CCDC88C: variants seen among roughly 807,000 people sequenced by gnomAD.
The protein encoded by CCDC88C is coiled-coil and HOOK domain protein 88C.
CCDC88C carries 131 observed loss-of-function variants against 198.8 expected under a neutral mutation model. The observed-to-expected ratio is 0.66, with a 90% CI of 0.57 to 0.76. CCDC88C has a LOEUF of 0.76. Among genes scored for constraint, CCDC88C ranks in the 30% least tolerant of loss-of-function variants. The pLI, the probability that CCDC88C is intolerant of heterozygous loss-of-function variation, is 0.00. For missense variants in CCDC88C, 2,553 were observed against 2,631.6 expected (o/e 0.97, Z 0.65); for synonymous variants, 1,166 against 1,114.7 (o/e 1.05, Z -0.92).
chr14:91,363,507 C>T (rs146845512), intron 3 of CCDC88C, among the ~76,000 whole-genome samples: 388 of 152,138 alleles, frequency 2.6e-3, no homozygotes, highest in Middle Eastern at 0.01. Context: ...AAATACTTGA[C>T]TGTTTCCAGA....
chr14:91,356,531 T>C (rs1309816883), intron 4 of CCDC88C, among the ~76,000 whole-genome samples: 1 of 152,202 alleles, frequency 6.6e-6, no homozygotes, highest in African/African-American at 2.4e-5. Flanking sequence ...CCCAGGGACA[T>C]TCAATTCACC....
Position 91,272,636 on chromosome 14 carries a change from C to T in CCDC88C, c.6076G>A (p.Gly2026Ser), listed in dbSNP as rs761694304. The change falls in exon 30 of 30, where the codon GGC (glycine) becomes AGC (serine). Residue 2026 changes from glycine to serine, a missense_variant. Coordinates refer to ENST00000389857, the MANE Select transcript of CCDC88C (RefSeq NM_001080414.4). ...CAACCACGAGACAGTCACACACAGC[C>T]GTACTCATACCACACGGTCTGCGGA... ...GDPQTVWYEY[G>S]CV is the part of the protein sequence containing the mutation. 10 of 1,610,356 alleles carry T rather than the reference C, an allele frequency of 6.2e-6. No homozygotes were observed. Among genetic ancestry groups the T allele is most frequent in the East Asian group, 2.2e-5 (1 of 44,862 alleles).
intron 11 of CCDC88C, 52 bp from the exon 12 acceptor site, chr14:91,324,975 C>T (rs2139829661): frequency 6.2e-7 from 1 of 1,607,400 alleles, no homozygotes; most frequent in East Asian, 2.2e-5. Flanking sequence ...TGGAGATCCC[C>T]CTGGACAAGC....
At chr14:91,331,334 C>T (rs917858050) in intron 10 of CCDC88C, among the ~76,000 whole-genome samples, 1 of 152,210 alleles carries the variant, frequency 6.6e-6, no homozygotes, top group East Asian at 1.9e-4. Flanking sequence ...GCACCTTTTC[C>T]TCCTGAAGAT....
chr14:91,295,318 C>G (rs1301808998), intron 22 of CCDC88C, among the ~76,000 whole-genome samples: 1 of 152,214 alleles, frequency 6.6e-6, no homozygotes, highest in Non-Finnish European at 1.5e-5. Context: ...TCTGTGATTG[C>G]CACTGCTATA....
chr14:91,350,609 G>A (rs530532343), intron 4 of CCDC88C, among the ~76,000 whole-genome samples: 1 of 152,242 alleles, frequency 6.6e-6, no homozygotes, highest in South Asian at 2.1e-4. Flanking sequence ...GCCCTTGCTG[G>A]GGTCAAAGGC....
chr14:91,374,270 T>C (rs868472859), intron 3 of CCDC88C, among the ~76,000 whole-genome samples: 12 of 152,344 alleles, frequency 7.9e-5, no homozygotes, highest in African/African-American at 2.9e-4. Flanking sequence ...AGACACACTG[T>C]GTCTATTACC....
chr14:91,331,299 A>C (rs1430469004), intron 10 of CCDC88C, among the ~76,000 whole-genome samples: 2 of 152,166 alleles, frequency 1.3e-5, no homozygotes, highest in African/African-American at 2.4e-5. Flanking sequence ...AAGACACTGG[A>C]CTCAAATCAA....
chr14:91,384,531 A>C (rs984432107), intron 3 of CCDC88C: 3 of 506,472 alleles, frequency 5.9e-6, no homozygotes, highest in African/African-American at 5.9e-5. Context: ...CACCTTCTTC[A>C]TCATAATCAT....
intron 2 of CCDC88C, among the ~76,000 whole-genome samples, chr14:91,415,145 G>A (rs190230002): frequency 8.0e-4 from 121 of 152,146 alleles, no homozygotes; most frequent in African/African-American, 2.7e-3. Context: ...AAGTTTCACC[G>A]GTCATTGCGC....
At position 91,338,150 on chromosome 14, in the gene CCDC88C, G is replaced by T. The variant is rs558656599; in HGVS notation, c.905C>A (p.Ala302Glu). The T allele has an allele frequency of 6.2e-7, 1 of 1,613,564 alleles. No homozygotes were observed. The highest frequency in any genetic ancestry group is 8.5e-7 in the Non-Finnish European group (1 of 1,179,764). Residue 302 changes from alanine (A) to glutamate (E), a missense_variant, in exon 10 of 30, where the codon GCG (alanine) becomes GAG (glutamate). By Grantham distance (107) the Ala-to-Glu change is moderately radical. This residue lies in a region of CCDC88C where 1,260 missense variants were observed against 1,412.0 expected (regional missense o/e 0.89). Transcript: ENST00000389857. This position sits in a 1 kb window ranked among gnomAD's most constrained non-coding sequence, Gnocchi z 4.8. ...GGCACGAGCAGACCGGGCGTCTGCC[G>T]CTAGCTGGATGTTCTGCAAGGTGGA... ...QKVKQENIQL[A>E]ADARSARAYR...
chr14:91,321,657 C>A lies in CCDC88C; in HGVS notation c.1343-353G>T, dbSNP rs558593443. ...TTTAGAGGCTAACAGAGATGACACA[C>A]AGGTGACATTTTCCATACCCCCCAG... On this transcript the variant is annotated intron_variant, in intron 12 of 29. Coordinates refer to ENST00000389857, the MANE Select transcript of CCDC88C (RefSeq NM_001080414.4). 5.9e-5 allele frequency among the ~76,000 whole-genome samples: 9 copies of A among 152,318 alleles called. No individual in the cohort carries two copies. In the South Asian group the frequency reaches 1.2e-3, roughly 21 times the overall value.
At position 91,352,274 on chromosome 14, in the gene CCDC88C, C is replaced by T. The variant is rs143299262; in HGVS notation, c.340+7368G>A. On this transcript the variant is annotated intron_variant, in intron 4 of 29. Coordinates refer to ENST00000389857, the MANE Select transcript of CCDC88C (RefSeq NM_001080414.4). The surrounding 1 kb of genome is among the most constrained non-coding windows in gnomAD (Gnocchi z 4.2). Reference sequence around the variant, plus strand: ...GAAGTTTACTAACAAAGTCTGGTCTCCAGGCAGATCCGCGGGTGCTTGGAG... The same window carrying T: ...GAAGTTTACTAACAAAGTCTGGTCTTCAGGCAGATCCGCGGGTGCTTGGAG... Among the ~76,000 whole-genome samples, 1 of 152,330 alleles carries T rather than the reference C, an allele frequency of 6.6e-6. No homozygotes were observed. Among genetic ancestry groups the T allele is most frequent in the African/African-American group, 2.4e-5 (1 of 41,580 alleles).
intron 16 of CCDC88C, 128 bp from the exon 17 acceptor site, chr14:91,308,620 A>G (rs982480247): frequency 3.6e-5 from 36 of 998,196 alleles, no homozygotes; most frequent in Non-Finnish European, 7.5e-6. Flanking sequence ...CTTTTGGCCC[A>G]GAAGAACTCA....
intron 14 of CCDC88C, among the ~76,000 whole-genome samples, chr14:91,314,559 T>C (rs919785296): frequency 6.6e-6 from 1 of 152,180 alleles, no homozygotes; most frequent in African/African-American, 2.4e-5. Context: ...CTGGAGTACT[T>C]TCCTCTGGCT....
In CCDC88C at chr14:91,338,060, A is replaced by G; in HGVS notation, c.995T>C (p.Leu332Pro). The change falls in exon 10 of 30, where the codon CTG (leucine) becomes CCG (proline). Residue 332 changes from leucine (L) to proline (P), a missense_variant. Coordinates refer to ENST00000389857, the MANE Select transcript of CCDC88C (RefSeq NM_001080414.4). The surrounding 1 kb of genome is among the most constrained non-coding windows in gnomAD (Gnocchi z 4.8). ...ANRVERLELELTRCKEKLHDV... is the reference protein window; with the variant it reads ...ANRVERLELEPTRCKEKLHDV... ...GTGCAGCTTCTCCTTGCAGCGGGTC[A>G]GCTCCAGCTCCAGCCTCTCCACGCG... 6.2e-7 allele frequency: 1 copy of G among 1,613,724 alleles called. No individual in the cohort carries two copies. The highest frequency in any genetic ancestry group is 8.5e-7 in the Non-Finnish European group (1 of 1,179,884).
intron 10 of CCDC88C, among the ~76,000 whole-genome samples, chr14:91,331,418 G>C (rs1240959852): frequency 1.3e-5 from 2 of 152,200 alleles, no homozygotes; most frequent in South Asian, 4.1e-4. Context: ...GAGGAGCTGG[G>C]GCCCTGTCTC....
In CCDC88C at chr14:91,294,253, C is replaced by T. The variant is rs372994123; in HGVS notation, c.4032G>A (p.Leu1344=). Residue 1344 remains leucine (L), a synonymous_variant, in exon 23 of 30, where the codon CTG becomes CTA. Coordinates refer to ENST00000389857, the MANE Select transcript of CCDC88C (RefSeq NM_001080414.4). ...GAAGCATCTGGTTCTGCTGGCTCAACAGCTGGATCTGGCTCAGGAGGTGAT... is the reference window on the plus strand; with the variant it reads ...GAAGCATCTGGTTCTGCTGGCTCAATAGCTGGATCTGGCTCAGGAGGTGAT... The part of the protein sequence containing the change: ...ENHHLLSQIQ[L]LSQQNQMLLE... The T allele has an allele frequency of 3.1e-6, 5 of 1,613,934 alleles. No homozygotes were observed. Among genetic ancestry groups the T allele is most frequent in the Middle Eastern group, 1.6e-4 (1 of 6,084 alleles).
chr14:91,341,908 T>C (rs1323427111), intron 6 of CCDC88C, among the ~76,000 whole-genome samples: 1 of 152,176 alleles, frequency 6.6e-6, no homozygotes, highest in African/African-American at 2.4e-5. Flanking sequence ...AGGCGGTCTT[T>C]CTGGGACTCG....
Sources: gnomAD v4.1 joint callset for allele counts (sites outside exome capture counted in the v4.1 genomes callset) on GRCh38, gnomAD v4.1.1 for gene constraint, gnomAD v4.1.1 regional missense constraint, Gnocchi (gnomAD v3.1) non-coding constraint, MANE v1.5 for transcripts, NCBI Gene and HGNC (gene_info 2026-07-23, HGNC 2026-07-21) for gene names.